Variants in XRCC4 observed in about 807,000 individuals in gnomAD.
XRCC4 encodes the protein DNA repair protein XRCC4.
A neutral mutation model predicts 39.1 loss-of-function variants in XRCC4; 28 were observed. The observed-to-expected ratio is 0.72, with a 90% CI of 0.53 to 0.98. The LOEUF (loss-of-function observed/expected upper bound fraction) is 0.98. XRCC4 is among the 50% of genes least tolerant of loss of function. The probability of loss-of-function intolerance (pLI) is 0.00; values close to 1 mark genes in which losing one functional copy is unlikely to be tolerated. For synonymous variants in XRCC4, 123 were observed against 126.4 expected (o/e 0.97, Z 0.18); for missense variants, 350 against 376.4 (o/e 0.93, Z 0.58).
chr5:83,141,364 T>C (rs911610719), intron 3 of XRCC4, among the ~76,000 whole-genome samples: 7 of 152,222 alleles, frequency 4.6e-5, no homozygotes, highest in Non-Finnish European at 1.0e-4. Flanking sequence ...GCATGTTGTT[T>C]TCTTAGATGT....
At chr5:83,218,779 C>T (rs749973160) in intron 6 of XRCC4, among the ~76,000 whole-genome samples, 1 of 151,994 alleles carries the variant, frequency 6.6e-6, no homozygotes, top group East Asian at 1.9e-4. Flanking sequence ...TTTATTTTGC[C>T]TCAAGTTGAG....
In XRCC4 at chr5:83,289,732, G is replaced by A. The variant is rs564766725; in HGVS notation, c.893+31055G>A. ...GTTGTACCTTTTTTTCCCTTCTTAG[G>A]TGAAACAAGTTGGTAGAGGAGGTTG... On this transcript the variant is annotated intron_variant, in intron 7 of 7. Coordinates refer to ENST00000396027, the MANE Select transcript of XRCC4 (RefSeq NM_003401.5). Among the ~76,000 whole-genome samples the A allele has an allele frequency of 2.3e-4, 35 of 151,776 alleles. 1 individual carries two copies. In the South Asian group the frequency reaches 7.3e-3, roughly 32 times the overall value.
intron 7 of XRCC4, among the ~76,000 whole-genome samples, chr5:83,277,641 A>G (rs535873069): frequency 6.6e-6 from 1 of 152,354 alleles, no homozygotes; most frequent in South Asian, 2.1e-4. Context: ...ACTATAAAAC[A>G]ACATCGGTTG....
the XRCC4 span, among the ~76,000 whole-genome samples, chr5:83,371,333 A>G: frequency 2.0e-5 from 3 of 152,160 alleles, no homozygotes; most frequent in South Asian, 4.1e-4. Context: ...TTTTAACTGC[A>G]TATTTGTTTT....
chr5:83,267,455 A>G (rs1753995377), intron 7 of XRCC4, among the ~76,000 whole-genome samples: 1 of 152,156 alleles, frequency 6.6e-6, no homozygotes, highest in African/African-American at 2.4e-5. Context: ...ATGGGTGGCC[A>G]TGTGACAAAG....
intron 6 of XRCC4, among the ~76,000 whole-genome samples, chr5:83,224,457 A>G (rs891097133): frequency 2.0e-5 from 3 of 152,116 alleles, no homozygotes; most frequent in Non-Finnish European, 4.4e-5. Flanking sequence ...TGTTTTTATA[A>G]TATGCATCCC....
chr5:83,324,859 A>C (rs576295596), intron 7 of XRCC4, among the ~76,000 whole-genome samples: 1 of 152,156 alleles, frequency 6.6e-6, no homozygotes, highest in South Asian at 2.1e-4. Context: ...TTCAAGAACA[A>C]AGCCACTTTA....
chr5:83,346,929 G>C (rs1331306885), intron 7 of XRCC4, among the ~76,000 whole-genome samples: 1 of 152,060 alleles, frequency 6.6e-6, no homozygotes, highest in Non-Finnish European at 1.5e-5. Flanking sequence ...TTTAGATACA[G>C]GTTCTCTGAG....
At chr5:83,293,184 C>G (rs1754981302) in intron 7 of XRCC4, among the ~76,000 whole-genome samples, 1 of 152,070 alleles carries the variant, frequency 6.6e-6, no homozygotes, top group Middle Eastern at 3.4e-3. Context: ...AGTAGACATT[C>G]TTTACTCTTT....
At chr5:83,154,845 A>G (rs867790363) in intron 3 of XRCC4, among the ~76,000 whole-genome samples, 1 of 152,170 alleles carries the variant, frequency 6.6e-6, no homozygotes, top group Non-Finnish European at 1.5e-5. Context: ...TCAGCTTCAC[A>G]CAACCTTCAA....
intron 6 of XRCC4, among the ~76,000 whole-genome samples, chr5:83,255,842 C>T (rs1006045924): frequency 6.6e-6 from 1 of 152,094 alleles, no homozygotes; most frequent in Non-Finnish European, 1.5e-5. Context: ...TTCAAACAAC[C>T]ACAGTTGTTC....
downstream of XRCC4, among the ~76,000 whole-genome samples, chr5:83,354,462 T>TATGTACATACATATACATGG (rs1757166877): frequency 1.3e-5 from 2 of 152,348 alleles, no homozygotes; most frequent in African/African-American, 4.8e-5. Context: ...CCAAATTTTA[T>TATGTACATACATATACATGG]ATGTACATAC....
rs1008865705 is a variant in XRCC4 at position 83,202,308 on chromosome 5, A to G, written c.483-1244A>G. Among the ~76,000 whole-genome samples, 7 of 152,206 alleles carry G rather than the reference A, an allele frequency of 4.6e-5. No homozygotes were observed. In the East Asian group the frequency reaches 5.8e-4, roughly 13 times the overall value. ...AAACATCTGTCGAATGCTAAACACT[A>G]TGCTGGGCACTGAGGATACAGTGGC... is the stretch of plus-strand genomic sequence containing the variant. On this transcript the variant is annotated intron_variant, in intron 4 of 7. Transcript: ENST00000396027.
chr5:83,110,166 T>C (rs1746377885), intron 2 of XRCC4, among the ~76,000 whole-genome samples: 1 of 152,002 alleles, frequency 6.6e-6, no homozygotes, highest in Non-Finnish European at 1.5e-5. Context: ...TGGCTAGAGG[T>C]GAGCTGTACT....
At chr5:83,115,201 G>A (rs1168109301) in intron 3 of XRCC4, among the ~76,000 whole-genome samples, 2 of 152,144 alleles carry the variant, frequency 1.3e-5, no homozygotes, top group Non-Finnish European at 2.9e-5. Context: ...GCTGAGATGG[G>A]CGGATCACCT....
At chr5:83,115,953 A>T (rs1746688864) in intron 3 of XRCC4, among the ~76,000 whole-genome samples, 1 of 152,164 alleles carries the variant, frequency 6.6e-6, no homozygotes, top group Non-Finnish European at 1.5e-5. Flanking sequence ...ATGAGGTAAA[A>T]CTTTCAGTGG....
intron 7 of XRCC4, among the ~76,000 whole-genome samples, chr5:83,340,271 T>C (rs141779272): frequency 1.5e-4 from 1 of 6,872 alleles, no homozygotes; most frequent in East Asian, 0.029. Flanking sequence ...AAGACTAGAG[T>C]GGTAGAATAG....
intron 3 of XRCC4, among the ~76,000 whole-genome samples, chr5:83,119,812 A>G (rs1746911636): frequency 6.6e-6 from 1 of 151,986 alleles, no homozygotes; most frequent in South Asian, 2.1e-4. Flanking sequence ...CTCTCTACCA[A>G]AAAGAAAAAA....
intron 6 of XRCC4, among the ~76,000 whole-genome samples, chr5:83,218,117 G>A (rs1320386924): frequency 1.3e-5 from 2 of 149,914 alleles, no homozygotes; most frequent in Non-Finnish European, 3.0e-5. Flanking sequence ...TGTGCACAAC[G>A]TGCAGGTTTG....
Sources: allele counts gnomAD v4.1 joint callset (sites outside exome capture counted in the v4.1 genomes callset), GRCh38; gene constraint gnomAD v4.1.1; transcripts MANE v1.5; gene names NCBI Gene and HGNC (gene_info 2026-07-23, HGNC 2026-07-21).